The following MAP2K5 variants were observed in gnomAD, a reference collection of about 807,000 sequenced individuals.
MAP2K5 encodes the protein dual specificity mitogen-activated protein kinase kinase 5.
Under a neutral mutation model 83.1 loss-of-function variants are expected in MAP2K5, and 49 were observed. The observed-to-expected ratio is 0.59, with a 90% CI of 0.47 to 0.75. The LOEUF is 0.75. Ranked by LOEUF, MAP2K5 falls within the 30% of genes least tolerant of loss-of-function variation. The probability of loss-of-function intolerance (pLI) is 0.00; values close to 1 mark genes in which losing one functional copy is unlikely to be tolerated. For synonymous variants in MAP2K5, 202 were observed against 191.8 expected (o/e 1.05, Z -0.44); for missense variants, 457 against 557.5 (o/e 0.82, Z 1.82).
rs961271911 is a variant in MAP2K5 at position 67,779,713 on chromosome 15, T to C, written c.1242+6961T>C. Reference sequence around the variant, plus strand: ...TTGAACTCATGTCTCTAATGCCTCTTTCGTGTTTTATTGGACTGTCATCTT... The same window carrying C: ...TTGAACTCATGTCTCTAATGCCTCTCTCGTGTTTTATTGGACTGTCATCTT... On this transcript the variant is annotated intron_variant, in intron 21 of 21. Coordinates refer to ENST00000178640, the MANE Select transcript of MAP2K5 (RefSeq NM_145160.3). The surrounding 1 kb of genome is among the most constrained non-coding windows in gnomAD (Gnocchi z 4.6). 2.0e-5 allele frequency among the ~76,000 whole-genome samples: 3 copies of C among 152,186 alleles called. No homozygotes were observed. Among genetic ancestry groups the C allele is most frequent in the African/African-American group, 7.2e-5 (3 of 41,444 alleles).
Position 67,692,763 on chromosome 15 carries a change from C to G in MAP2K5, c.921+211C>G, listed in dbSNP as rs139597450. Among the ~76,000 whole-genome samples the G allele has an allele frequency of 1.0e-2, 1,520 of 152,280 alleles. 11 individuals are homozygous for G. Among genetic ancestry groups the G allele is most frequent in the Middle Eastern group, 0.031 (9 of 294 alleles). Reference sequence around the variant, plus strand: ...GTTCATTGTTTAATGACAGTAAAAACTGCTGATATTGTAATTACTACTTAC... The same window carrying G: ...GTTCATTGTTTAATGACAGTAAAAAGTGCTGATATTGTAATTACTACTTAC... On this transcript the variant is annotated intron_variant, in intron 14 of 21. Transcript: ENST00000178640.
chr15:67,583,654 C>T (rs2085231208), intron 4 of MAP2K5, among the ~76,000 whole-genome samples: 1 of 151,958 alleles, frequency 6.6e-6, no homozygotes. Context: ...GGTTAGAGGC[C>T]CTCAGATCTT....
intron 17 of MAP2K5, among the ~76,000 whole-genome samples, chr15:67,744,271 A>G (rs1309902974): frequency 1.3e-5 from 2 of 152,270 alleles, no homozygotes; most frequent in African/African-American, 2.4e-5. Flanking sequence ...AGTTTTAAAA[A>G]AAAGAATAAA....
chr15:67,657,088 C>T (rs115908648), intron 11 of MAP2K5, among the ~76,000 whole-genome samples: 1,610 of 152,190 alleles, frequency 0.011, 28 homozygotes, highest in African/African-American at 0.037. Context: ...TTAAGGAAAG[C>T]GGGTCTAACT....
At chr15:67,674,988 A>G (rs1280119781) in intron 13 of MAP2K5, among the ~76,000 whole-genome samples, 1 of 152,208 alleles carries the variant, frequency 6.6e-6, no homozygotes, top group Non-Finnish European at 1.5e-5. Context: ...TCACTAATAC[A>G]TTGCTGGTAG....
rs1183767610 is a variant in MAP2K5, at chr15:67,802,644, A to G, written c.1243-4002A>G. ...CCTGGCACTGCCAGGTTCCACAGACATGGCTGTGCAGAAATGGTGCTAACA... is the reference window on the plus strand; with the variant it reads ...CCTGGCACTGCCAGGTTCCACAGACGTGGCTGTGCAGAAATGGTGCTAACA... On this transcript the variant is annotated intron_variant, in intron 21 of 21. Coordinates refer to ENST00000178640, the MANE Select transcript of MAP2K5 (RefSeq NM_145160.3). The surrounding 1 kb of genome is among the most constrained non-coding windows in gnomAD (Gnocchi z 5.0). 6.6e-6 allele frequency among the ~76,000 whole-genome samples: 1 copy of G among 152,242 alleles called. No individual in the cohort carries two copies. Among genetic ancestry groups the G allele is most frequent in the Non-Finnish European group, 1.5e-5 (1 of 68,044 alleles).
At chr15:67,703,278 GTA>G in intron 15 of MAP2K5, 57 bp from the exon 16 acceptor site, 4 of 1,248,816 alleles carry the variant, frequency 3.2e-6, no homozygotes, top group Non-Finnish European at 4.7e-6. Flanking sequence ...TTATTTTGGT[GTA>G]TGTGTTTTCC....
intron 7 of MAP2K5, among the ~76,000 whole-genome samples, chr15:67,594,835 C>T (rs2085491342): frequency 1.3e-5 from 2 of 152,048 alleles, no homozygotes; most frequent in Admixed American, 1.3e-4. Flanking sequence ...AAAAACCCAC[C>T]TTTGGAAGCT....
Position 67,638,254 on chromosome 15 carries a change from G to T in MAP2K5, c.585+7327G>T, listed in dbSNP as rs1427587511. Among the ~76,000 whole-genome samples, 1 of 151,998 alleles carries T rather than the reference G, an allele frequency of 6.6e-6. No individual in the cohort carries two copies. Among genetic ancestry groups the T allele is most frequent in the Non-Finnish European group, 1.5e-5 (1 of 68,002 alleles). On this transcript the variant is annotated intron_variant, in intron 9 of 21. Coordinates refer to ENST00000178640, the MANE Select transcript of MAP2K5 (RefSeq NM_145160.3). This position sits in a 1 kb window ranked among gnomAD's most constrained non-coding sequence, Gnocchi z 4.5. The stretch of plus-strand genomic sequence containing the variant: ...CACCTTCTGATAGGCCACAGTGTGT[G>T]GTGTTTCCCTCTATGTGTCCATGTG...
At chr15:67,576,389 A>G (rs1206159808) in intron 3 of MAP2K5, among the ~76,000 whole-genome samples, 1 of 148,106 alleles carries the variant, frequency 6.8e-6, no homozygotes, top group Non-Finnish European at 1.5e-5. Flanking sequence ...ACACTGTAGT[A>G]AACTTGCAAA....
rs1250693363 is a variant in MAP2K5 at position 67,802,448 on chromosome 15, CT to C, written c.1243-4197del. ...TGGAGTCATCCTGCCTCTGGCAGCC[CT>C]GTTCTTTTCCCTTCATTGTGTCTCC... On this transcript the variant is annotated intron_variant, in intron 21 of 21. Coordinates refer to ENST00000178640, the MANE Select transcript of MAP2K5 (RefSeq NM_145160.3). This position sits in a 1 kb window ranked among gnomAD's most constrained non-coding sequence, Gnocchi z 5.0. Among the ~76,000 whole-genome samples the C allele has an allele frequency of 6.6e-6, 1 of 152,232 alleles. No homozygotes were observed. The highest frequency in any genetic ancestry group is 2.4e-5 in the African/African-American group (1 of 41,464).
At chr15:67,632,012 A>G (rs1485930930) in intron 9 of MAP2K5, among the ~76,000 whole-genome samples, 1 of 151,986 alleles carries the variant, frequency 6.6e-6, no homozygotes, top group Non-Finnish European at 1.5e-5. Context: ...ACTTCCCGTC[A>G]TGCCCTTTAT....
intron 6 of MAP2K5, among the ~76,000 whole-genome samples, chr15:67,590,442 C>CCTCTCTCTCTCTCTCTCTCT (rs2085378235): frequency 1.7e-4 from 1 of 5,822 alleles, no homozygotes; most frequent in African/African-American, 3.8e-4. Context: ...TCTCTCCCTC[C>CCTCTCTCTCTCTCTCTCTCT]CTCCCTCTCT....
At position 67,722,076 on chromosome 15, in the gene MAP2K5, A is replaced by G. The variant is rs1437312617; in HGVS notation, c.1045-5840A>G. On this transcript the variant is annotated intron_variant, in intron 16 of 21. Coordinates refer to ENST00000178640, the MANE Select transcript of MAP2K5 (RefSeq NM_145160.3). The surrounding 1 kb of genome is among the most constrained non-coding windows in gnomAD (Gnocchi z 4.2). ...AATGTGGAGGGTCCCAAAGGTTATT[A>G]GGGCATGTTTCTGTTAGGCCTGATG... Among the ~76,000 whole-genome samples the G allele has an allele frequency of 6.6e-6, 1 of 152,192 alleles. No homozygotes were observed. Among genetic ancestry groups the G allele is most frequent in the Non-Finnish European group, 1.5e-5 (1 of 68,026 alleles).
chr15:67,628,266 G>T, intron 8 of MAP2K5: 1 of 563,898 alleles, frequency 1.8e-6, no homozygotes, highest in South Asian at 1.9e-5. Context: ...CAGATCACGA[G>T]GTCAGGGATT....
chr15:67,553,035 A>G (rs1205979127), intron 2 of MAP2K5, among the ~76,000 whole-genome samples: 1 of 152,162 alleles, frequency 6.6e-6, no homozygotes, highest in Non-Finnish European at 1.5e-5. Flanking sequence ...GCTTCCAGTT[A>G]GGGTTCATAA....
At position 67,543,395 on chromosome 15, in the gene MAP2K5, C is replaced by T; in HGVS notation, c.60C>T (p.Arg20=). The T allele has an allele frequency of 6.2e-7, 1 of 1,614,172 alleles. No homozygotes were observed. The highest frequency in any genetic ancestry group is 2.2e-5 in the East Asian group (1 of 44,878). ...PAMENQVLVI[R]IKIPNSGAVD... ...TGGAGAACCAGGTGCTGGTAATTCGCATCAAGATCCCAAATAGTGGCGCGG... is the reference window on the plus strand; with the variant it reads ...TGGAGAACCAGGTGCTGGTAATTCGTATCAAGATCCCAAATAGTGGCGCGG... Residue 20 remains arginine (R), a synonymous_variant, in exon 1 of 22, where the codon CGC becomes CGT. Transcript: ENST00000178640. The surrounding 1 kb of genome is among the most constrained non-coding windows in gnomAD (Gnocchi z 4.3).
intron 13 of MAP2K5, among the ~76,000 whole-genome samples, chr15:67,680,839 G>T (rs1336397356): frequency 6.6e-6 from 1 of 152,170 alleles, no homozygotes; most frequent in Non-Finnish European, 1.5e-5. Flanking sequence ...GTTGTGATTG[G>T]ATAATGTTAA....
chr15:67,713,528 G>A (rs989322386), intron 16 of MAP2K5, among the ~76,000 whole-genome samples: 6 of 152,218 alleles, frequency 3.9e-5, no homozygotes, highest in Non-Finnish European at 7.3e-5. Flanking sequence ...CTGAGGTCGG[G>A]AGTTTGAGAC....
Sources: gnomAD v4.1 joint callset for allele counts (sites outside exome capture counted in the v4.1 genomes callset) on GRCh38, gnomAD v4.1.1 for gene constraint, Gnocchi (gnomAD v3.1) non-coding constraint, MANE v1.5 for transcripts, NCBI Gene and HGNC (gene_info 2026-07-23, HGNC 2026-07-21) for gene names.